CTNNA2: variants seen among roughly 807,000 people sequenced by gnomAD.
CTNNA2 encodes the protein catenin alpha-2.
In CTNNA2, 42 loss-of-function variants were observed where a neutral mutation model predicts 101.0. That is an observed-to-expected ratio of 0.42 (90% CI 0.32 to 0.54). CTNNA2 has a LOEUF of 0.54. Among genes scored for constraint, CTNNA2 ranks in the 20% least tolerant of loss-of-function variants. The pLI is 0.14. For synonymous variants in CTNNA2, 450 were observed against 456.4 expected, an observed-to-expected ratio of 0.99 and a Z score of 0.18; for missense variants, 871 against 1,223.1, an observed-to-expected ratio of 0.71 and a Z score of 4.29.
intron 7 of CTNNA2, among the ~76,000 whole-genome samples, chr2:80,030,217 A>G (rs1171019555): frequency 6.6e-6 from 1 of 150,586 alleles, no homozygotes; most frequent in Non-Finnish European, 1.5e-5. Context: ...CATTTTTGAG[A>G]TGAGAATTAT....
At chr2:80,507,473 A>C (rs1404657651) in intron 9 of CTNNA2, among the ~76,000 whole-genome samples, 1 of 152,194 alleles carries the variant, frequency 6.6e-6, no homozygotes, top group African/African-American at 2.4e-5. Flanking sequence ...CAAGAGAAAA[A>C]TCTATGACAC....
At chr2:79,310,082 A>G (rs575009240) in intron 2 of CTNNA2, among the ~76,000 whole-genome samples, 4 of 152,224 alleles carry the variant, frequency 2.6e-5, no homozygotes, top group South Asian at 2.1e-4. Context: ...CATTTTATCT[A>G]ATGTATCCAA....
intron 7 of CTNNA2, among the ~76,000 whole-genome samples, chr2:79,973,450 C>T (rs1363026593): frequency 6.6e-6 from 1 of 152,082 alleles, no homozygotes; most frequent in South Asian, 2.1e-4. Context: ...GAGAGAAAAA[C>T]AGAGGGTCAC....
At chr2:80,373,172 T>A (rs1331612510) in intron 7 of CTNNA2, among the ~76,000 whole-genome samples, 1 of 140,176 alleles carries the variant, frequency 7.1e-6, no homozygotes, top group African/African-American at 2.5e-5. Flanking sequence ...TGTTAATTAG[T>A]GGAGTGAACA....
chr2:79,754,973 C>T lies in CTNNA2; in HGVS notation c.298+10391C>T, dbSNP rs561074699. ...AGATAACTCATGTATCTTCCCTCTA[C>T]GGATCTCACTTCATTGAGCCTGGAC... On this transcript the variant is annotated intron_variant, in intron 3 of 18. Coordinates refer to ENST00000402739, the MANE Select transcript of CTNNA2 (RefSeq NM_001282597.3). Among the ~76,000 whole-genome samples, 13 of 152,170 alleles carry T rather than the reference C, an allele frequency of 8.5e-5. No individual in the cohort carries two copies. In the South Asian group the frequency reaches 1.0e-3, roughly 12 times the overall value.
At chr2:79,851,737 C>CTTTTTTTTTTTT (rs11399192) in intron 3 of CTNNA2, among the ~76,000 whole-genome samples, 3 of 87,138 alleles carry the variant, frequency 3.4e-5, no homozygotes, top group African/African-American at 9.4e-5. Flanking sequence ...TTTTCTTTTC[C>CTTTTTTTTTTTT]TTTTTTTTTT....
intron 1 of CTNNA2, among the ~76,000 whole-genome samples, chr2:79,516,118 T>C (rs554428875): frequency 2.2e-4 from 33 of 152,322 alleles, no homozygotes; most frequent in African/African-American, 7.9e-4. Flanking sequence ...CTTAGGAGGA[T>C]CATGTCCTTG....
chr2:79,787,343 G>C (rs1424900311), intron 3 of CTNNA2, among the ~76,000 whole-genome samples: 1 of 152,010 alleles, frequency 6.6e-6, no homozygotes, highest in African/African-American at 2.4e-5. Context: ...AATTAGGGGA[G>C]CCCAGTGAGT....
chr2:79,889,437 A>G (rs1684149487), intron 6 of CTNNA2, among the ~76,000 whole-genome samples: 1 of 152,206 alleles, frequency 6.6e-6, no homozygotes, highest in African/African-American at 2.4e-5. Flanking sequence ...CAGGCACCCA[A>G]CATAACTGAG....
At chr2:80,349,878 A>G (rs567003901) in intron 7 of CTNNA2, among the ~76,000 whole-genome samples, 1 of 151,968 alleles carries the variant, frequency 6.6e-6, no homozygotes, top group Non-Finnish European at 1.5e-5. Flanking sequence ...CTCCTCCCTT[A>G]TCTTTTTTGA....
At chr2:80,524,651 T>C (rs1689868807) in intron 9 of CTNNA2, among the ~76,000 whole-genome samples, 1 of 152,172 alleles carries the variant, frequency 6.6e-6, no homozygotes, top group African/African-American at 2.4e-5. Context: ...CCTAGAATAG[T>C]CTCCCTATGC....
At chr2:80,344,511 G>A (rs1482588648) in intron 7 of CTNNA2, among the ~76,000 whole-genome samples, 1 of 152,092 alleles carries the variant, frequency 6.6e-6, no homozygotes, top group African/African-American at 2.4e-5. Flanking sequence ...TCTTCCCTCA[G>A]TCTCACTCTG....
chr2:80,278,220 TTTGA>T lies in CTNNA2; in HGVS notation c.1057-114989_1057-114986del, dbSNP rs767124965. ...GACAGCGCCCCAAATATAGTAAATA[TTTGA>T]TGTATATGATGTATTATTAAGGGAC... On this transcript the variant is annotated intron_variant, in intron 7 of 18. Coordinates refer to ENST00000402739, the MANE Select transcript of CTNNA2 (RefSeq NM_001282597.3). Among the ~76,000 whole-genome samples, 12 of 152,250 alleles carry T rather than the reference TTTGA, an allele frequency of 7.9e-5. No homozygotes were observed. In the South Asian group the frequency reaches 2.1e-3, roughly 26 times the overall value.
chr2:80,045,359 T>C (rs2104301054), intron 7 of CTNNA2, among the ~76,000 whole-genome samples: 1 of 152,318 alleles, frequency 6.6e-6, no homozygotes, highest in Admixed American at 6.5e-5. Context: ...TTCTACTATC[T>C]TTTTAAATTT....
At chr2:79,968,333 G>A (rs1334767839) in intron 7 of CTNNA2, among the ~76,000 whole-genome samples, 1 of 152,116 alleles carries the variant, frequency 6.6e-6, no homozygotes, top group Non-Finnish European at 1.5e-5. Context: ...ACTGTTTAGG[G>A]CATTCTTTGT....
At chr2:80,014,189 T>A (rs1231510987) in intron 7 of CTNNA2, among the ~76,000 whole-genome samples, 1 of 152,186 alleles carries the variant, frequency 6.6e-6, no homozygotes, top group Admixed American at 6.5e-5. Context: ...ATTATTTTTA[T>A]CAAAATTTAA....
At chr2:79,396,743 C>T (rs184122875) in intron 4 of CTNNA2, among the ~76,000 whole-genome samples, 4 of 152,182 alleles carry the variant, frequency 2.6e-5, no homozygotes, top group South Asian at 2.1e-4. Flanking sequence ...TGGCAAAACC[C>T]GGAGTTTAGG....
At chr2:80,416,094 A>C (rs147882969) in intron 8 of CTNNA2, among the ~76,000 whole-genome samples, 58 of 152,226 alleles carry the variant, frequency 3.8e-4, no homozygotes, top group African/African-American at 1.3e-3. Context: ...AAAGGGTACA[A>C]ACTTTAAGTT....
At chr2:79,442,352 C>T (rs1193087121) in intron 4 of CTNNA2, among the ~76,000 whole-genome samples, 1 of 152,086 alleles carries the variant, frequency 6.6e-6, no homozygotes, top group Non-Finnish European at 1.5e-5. Flanking sequence ...CAAACACATG[C>T]TAATTAATAA....
Sources: allele counts gnomAD v4.1 joint callset (sites outside exome capture counted in the v4.1 genomes callset), GRCh38; gene constraint gnomAD v4.1.1; transcripts MANE v1.5; gene names NCBI Gene and HGNC (gene_info 2026-07-23, HGNC 2026-07-21).